Variants in ARHGEF9 observed in about 807,000 individuals in gnomAD.
ARHGEF9 encodes Cdc42 guanine nucleotide exchange factor 9.
A neutral mutation model predicts 41.3 loss-of-function variants in ARHGEF9; 2 were observed. The ratio of observed to expected loss-of-function variants is 0.05; its 90% CI spans 0.02 to 0.15. ARHGEF9 has a LOEUF of 0.15. Ranked by LOEUF, ARHGEF9 falls within the 10% of genes least tolerant of loss-of-function variation. The pLI is 1.00. For missense variants in ARHGEF9, 225 were observed against 424.7 expected, an observed-to-expected ratio of 0.53 and a Z score of 4.13; for synonymous variants, 160 against 154.4, an observed-to-expected ratio of 1.04 and a Z score of -0.27.
chrX:63,751,001 G>A (rs1442220721), intron 1 of ARHGEF9, among the ~76,000 whole-genome samples: 1 of 111,056 alleles, frequency 9.0e-6, no homozygotes, highest in African/African-American at 3.3e-5. Context: ...GGGCTCTGGA[G>A]CTCAGTGGGT....
intron 3 of ARHGEF9, among the ~76,000 whole-genome samples, chrX:63,697,887 C>A (rs2051867368): frequency 9.0e-6 from 1 of 111,219 alleles, no homozygotes; most frequent in Non-Finnish European, 1.9e-5. Context: ...AGTACACATA[C>A]AATATTTTCT....
At chrX:63,715,697 T>C (rs1283011701) in intron 2 of ARHGEF9, among the ~76,000 whole-genome samples, 7 of 112,185 alleles carry the variant, frequency 6.2e-5, no homozygotes, top group African/African-American at 1.9e-4. Flanking sequence ...TAGTCTCCTA[T>C]AGCTACTGAA....
chrX:63,650,283 C>T (rs1194336040), intron 8 of ARHGEF9, among the ~76,000 whole-genome samples: 1 of 111,251 alleles, frequency 9.0e-6, no homozygotes, highest in Admixed American at 9.6e-5. Context: ...AACCTAAATG[C>T]CCATCAGTGG....
At chrX:63,784,192 T>C (rs1556463934) in intron 1 of ARHGEF9, among the ~76,000 whole-genome samples, 1 of 112,054 alleles carries the variant, frequency 8.9e-6, no homozygotes, top group African/African-American at 3.2e-5. Flanking sequence ...TAAGGCCCTT[T>C]TGCTTATGCC....
Position 63,635,846 on chromosome X carries a change from C to A in ARHGEF9, c.*2182G>T, listed in dbSNP as rs1433473162. ...GAGTGAGAAGTTGGAAAAAGAGGTA[C>A]ACTGAAGGGAGGCCTGCATAGCTAC... On this transcript the variant is annotated 3_prime_UTR_variant, in exon 10 of 10. Transcript: ENST00000671741. The A allele has an allele frequency of 6.5e-6, 1 of 153,402 alleles. No homozygotes were observed. Among genetic ancestry groups the A allele is most frequent in the Non-Finnish European group, 1.2e-5 (1 of 82,349 alleles). 12.6% of individuals were successfully genotyped at this position (153,402 alleles called of 1,213,427 possible).
At chrX:63,684,580 T>C (rs782648251) in intron 4 of ARHGEF9, among the ~76,000 whole-genome samples, 2 of 111,523 alleles carry the variant, frequency 1.8e-5, no homozygotes, top group East Asian at 5.6e-4. Flanking sequence ...TGCACTCCCA[T>C]GTTCATTGCA....
intron 7 of ARHGEF9, among the ~76,000 whole-genome samples, chrX:63,664,709 C>T (rs1306895430): frequency 8.9e-6 from 1 of 111,982 alleles, no homozygotes; most frequent in African/African-American, 3.2e-5. Flanking sequence ...AGTTATTATC[C>T]CCATTAACTG....
At chrX:63,722,410 G>T (rs369817373) in intron 2 of ARHGEF9, among the ~76,000 whole-genome samples, 74 of 89,261 alleles carry the variant, frequency 8.3e-4, no homozygotes, top group East Asian at 3.5e-3. Flanking sequence ...GTTGTTTTTT[G>T]TTTTTTTTTT....
chrX:63,760,105 AT>A (rs1556449050), intron 1 of ARHGEF9, among the ~76,000 whole-genome samples: 2 of 109,983 alleles, frequency 1.8e-5, no homozygotes, highest in Admixed American at 1.9e-4. Context: ...AAAAAAAAAA[AT>A]TCCTGGTTGT....
chrX:63,739,394 GC>G lies in ARHGEF9; in HGVS notation c.31-14684del, dbSNP rs782241954. 1.6e-3 allele frequency among the ~76,000 whole-genome samples: 175 copies of G among 111,969 alleles called. 2 individuals are homozygous for G. The highest frequency in any genetic ancestry group is 4.2e-3 in the African/African-American group (130 of 30,784). On this transcript the variant is annotated intron_variant, in intron 1 of 9. Transcript: ENST00000671741. ...CAATCAGCGTGTCTCTCTTGGGCAA[GC>G]AGGGAGAGTGCTGGGTAAAGCTGTG...
intron 4 of ARHGEF9, among the ~76,000 whole-genome samples, chrX:63,695,374 A>G (rs1259858900): frequency 8.9e-6 from 1 of 112,011 alleles, no homozygotes; most frequent in Non-Finnish European, 1.9e-5. Flanking sequence ...ATCCACTTAT[A>G]TATCTCCCTG....
chrX:63,647,548 T>C (rs1556317974), intron 8 of ARHGEF9, among the ~76,000 whole-genome samples: 1 of 111,961 alleles, frequency 8.9e-6, no homozygotes, highest in Non-Finnish European at 1.9e-5. Context: ...GATTTGCATA[T>C]GTTGAACCAG....
chrX:63,716,927 G>A (rs782182463), intron 2 of ARHGEF9, among the ~76,000 whole-genome samples: 3 of 112,088 alleles, frequency 2.7e-5, no homozygotes, highest in African/African-American at 6.5e-5. Context: ...GCCCTGTCCC[G>A]TATATAGCAT....
intron 7 of ARHGEF9, chrX:63,657,985 C>T (rs1417073611): frequency 8.9e-6 from 1 of 112,319 alleles, no homozygotes; most frequent in Admixed American, 9.5e-5. Context: ...TTGTTGCTAA[C>T]TTCAGTCCGC....
At chrX:63,781,242 AT>A (rs2056374589) in intron 1 of ARHGEF9, among the ~76,000 whole-genome samples, 2 of 112,057 alleles carry the variant, frequency 1.8e-5, no homozygotes, top group Non-Finnish European at 3.8e-5. Flanking sequence ...ACTGAAAATA[AT>A]TTTTTCATAT....
Position 63,688,591 on chromosome X carries a change from A to G in ARHGEF9, c.582+8534T>C, listed in dbSNP as rs782388026. Among the ~76,000 whole-genome samples the G allele has an allele frequency of 1.2e-4, 14 of 112,263 alleles. No homozygotes were observed. In the East Asian group the frequency reaches 3.9e-3, roughly 32 times the overall value. On this transcript the variant is annotated intron_variant, in intron 4 of 9. Coordinates refer to ENST00000671741, the MANE Select transcript of ARHGEF9 (RefSeq NM_001353921.2). ...TAAGGTCAGCCTGGCCAACATGGTG[A>G]AACTCCATCTGTACTAAAAAATACA... is the stretch of plus-strand genomic sequence containing the variant.
intron 1 of ARHGEF9, among the ~76,000 whole-genome samples, chrX:63,784,247 G>T (rs2056425900): frequency 8.9e-6 from 1 of 112,047 alleles, no homozygotes; most frequent in South Asian, 3.7e-4. Context: ...CTCCCCAGAG[G>T]CCCTAACCAG....
chrX:63,661,862 A>G (rs2049242696), intron 7 of ARHGEF9, among the ~76,000 whole-genome samples: 1 of 111,926 alleles, frequency 8.9e-6, no homozygotes, highest in South Asian at 3.7e-4. Context: ...AATGTACAAA[A>G]CAGGCACATT....
At chrX:63,724,827 T>G in intron 1 of ARHGEF9, 116 bp from the exon 2 acceptor site, 1 of 743,000 alleles carries the variant, frequency 1.3e-6, no homozygotes, top group Non-Finnish European at 2.0e-6. Flanking sequence ...TGGTGAGAGA[T>G]AGGGGTGAGG....
Sources: gnomAD v4.1 joint callset for allele counts (sites outside exome capture counted in the v4.1 genomes callset) on GRCh38, gnomAD v4.1.1 for gene constraint, MANE v1.5 for transcripts, NCBI Gene and HGNC (gene_info 2026-07-23, HGNC 2026-07-21) for gene names.